The following UVRAG variants were observed in gnomAD, a reference collection of about 807,000 sequenced individuals.
UVRAG encodes the protein UV radiation resistance associated, also known as UV radiation resistance-associated gene protein.
In UVRAG, 19 loss-of-function variants were observed where a neutral mutation model predicts 78.0. The observed-to-expected ratio is 0.24, with a 90% CI of 0.17 to 0.36. The LOEUF (loss-of-function observed/expected upper bound fraction) is 0.36. UVRAG is among the 10% of genes least tolerant of loss of function. The pLI, the probability that UVRAG is intolerant of heterozygous loss-of-function variation, is 1.00. For missense variants in UVRAG, 740 were observed against 853.8 expected, an observed-to-expected ratio of 0.87 and a Z score of 1.66; for synonymous variants, 323 against 324.6, an observed-to-expected ratio of 1.00 and a Z score of 0.05.
chr11:75,909,496 A>G (rs948730810), intron 5 of UVRAG, among the ~76,000 whole-genome samples: 1 of 151,910 alleles, frequency 6.6e-6, no homozygotes, highest in Admixed American at 6.6e-5. Context: ...AAAAAAAAAG[A>G]TTTGTCAATG....
chr11:76,025,232 G>A (rs1950307754), intron 12 of UVRAG, among the ~76,000 whole-genome samples: 1 of 152,120 alleles, frequency 6.6e-6, no homozygotes, highest in Non-Finnish European at 1.5e-5. Context: ...CAGCTGCAGT[G>A]TTCCTCCACC....
chr11:75,997,701 T>C (rs903923521), intron 8 of UVRAG, among the ~76,000 whole-genome samples: 4 of 152,180 alleles, frequency 2.6e-5, no homozygotes, highest in Non-Finnish European at 5.9e-5. Context: ...TTTTGATGAA[T>C]AAACTAAAGT....
chr11:75,935,034 AAATATT>A (rs1270317359), intron 6 of UVRAG: 2 of 152,198 alleles, frequency 1.3e-5, no homozygotes, highest in African/African-American at 2.4e-5. Context: ...AAGGCAGACA[AAATATT>A]AAATGCTGAC....
chr11:76,011,284 G>T (rs533378378), intron 11 of UVRAG, among the ~76,000 whole-genome samples: 5 of 152,108 alleles, frequency 3.3e-5, no homozygotes, highest in Admixed American at 2.0e-4. Context: ...ATTACCCTTA[G>T]GAATCAGAAA....
intron 8 of UVRAG, among the ~76,000 whole-genome samples, chr11:76,003,257 A>ATTTTTTTTTTTTTTTTTTTTTTTT (rs398045280): frequency 1.9e-5 from 1 of 53,786 alleles, no homozygotes; most frequent in African/African-American, 7.8e-5. Flanking sequence ...GAAAATACTG[A>ATTTTTTTTTTTTTTTTTTTTTTTT]TTTTTTTTTT....
intron 1 of UVRAG, among the ~76,000 whole-genome samples, chr11:75,847,115 G>A (rs112035215): frequency 0.075 from 11,419 of 151,872 alleles, 1,387 homozygotes; most frequent in African/African-American, 0.26. Flanking sequence ...ATGGGCCACC[G>A]TGCCTGGCCT....
chr11:75,833,331 A>G (rs201748577), intron 1 of UVRAG, among the ~76,000 whole-genome samples: 1 of 152,156 alleles, frequency 6.6e-6, no homozygotes, highest in Admixed American at 6.5e-5. Flanking sequence ...AATGGGCATA[A>G]TAATAGCCCA....
chr11:75,955,917 C>G (rs1948787718), intron 6 of UVRAG, among the ~76,000 whole-genome samples: 1 of 152,174 alleles, frequency 6.6e-6, no homozygotes, highest in Admixed American at 6.5e-5. Context: ...ACATTTCCAT[C>G]ACCTCAGATA....
intron 5 of UVRAG, among the ~76,000 whole-genome samples, chr11:75,907,522 A>C (rs1947641362): frequency 1.3e-5 from 2 of 150,588 alleles, no homozygotes; most frequent in African/African-American, 4.9e-5. Flanking sequence ...TCTTTCTATA[A>C]TTTCTCTTTT....
chr11:75,876,898 G>C (rs1179417375), intron 3 of UVRAG, among the ~76,000 whole-genome samples: 68 of 150,948 alleles, frequency 4.5e-4, no homozygotes, highest in Non-Finnish European at 8.5e-4. Flanking sequence ...TCTCACAGAG[G>C]GGGATTTGGC....
chr11:75,997,984 T>G (rs535840097), intron 8 of UVRAG, among the ~76,000 whole-genome samples: 1 of 152,340 alleles, frequency 6.6e-6, no homozygotes, highest in East Asian at 1.9e-4. Context: ...GGTAGAAAGT[T>G]GCAGTAGAAC....
chr11:76,124,909 A>G (rs1053343712), intron 14 of UVRAG, among the ~76,000 whole-genome samples: 2 of 152,350 alleles, frequency 1.3e-5, no homozygotes, highest in East Asian at 1.9e-4. Context: ...AAGTGAGCCA[A>G]TCTACTTTCC....
At chr11:76,118,822 G>C (rs983262317) in intron 14 of UVRAG, among the ~76,000 whole-genome samples, 2 of 152,154 alleles carry the variant, frequency 1.3e-5, no homozygotes, top group African/African-American at 4.8e-5. Context: ...CAAACATGAT[G>C]AGGTTATAAG....
chr11:76,010,015 G>T (rs189563003), intron 11 of UVRAG, among the ~76,000 whole-genome samples: 2 of 152,244 alleles, frequency 1.3e-5, no homozygotes, highest in African/African-American at 2.4e-5. Flanking sequence ...CTTGCTTGAG[G>T]CCACAAAACT....
Position 76,004,116 on chromosome 11 carries a change from G to GT in UVRAG, c.911+28dup, listed in dbSNP as rs764543026. 3.7e-6 allele frequency: 6 copies of GT among 1,603,888 alleles called. No homozygotes were observed. The South Asian group carries it at 6.6e-5, about 18-fold the overall frequency. ...TAAATGCACACTGAGAAGAATTGCT[G>GT]TGAGTGTGGAGTTTACTGCGAGGAT... On this transcript the variant is annotated intron_variant, in intron 9 of 14. Coordinates refer to ENST00000356136, the MANE Select transcript of UVRAG (RefSeq NM_003369.4).
At position 76,140,750 on chromosome 11, in the gene UVRAG, G is replaced by A. The variant is rs1451508830; in HGVS notation, c.1437G>A (p.Lys479=). The A allele has an allele frequency of 2.5e-6, 4 of 1,608,128 alleles. No homozygotes were observed. The South Asian group carries it at 3.3e-5, about 13-fold the overall frequency. ...CCTCCAGTGCAATCCCTGTTCCTAAGAGACAAAGCTCCATATTTGGGGGTG... is the reference window on the plus strand; with the variant it reads ...CCTCCAGTGCAATCCCTGTTCCTAAAAGACAAAGCTCCATATTTGGGGGTG... The part of the protein sequence containing the change: ...HHTSSAIPVP[K]RQSSIFGGAD... The change falls in exon 15 of 15, where the codon AAG becomes AAA. Residue 479 remains lysine (K), a synonymous_variant. Coordinates refer to ENST00000356136, the MANE Select transcript of UVRAG (RefSeq NM_003369.4).
In UVRAG at chr11:75,828,799, ATATATATTT is replaced by A. The variant is rs1207798689; in HGVS notation, c.117+13277_117+13285del. Among the ~76,000 whole-genome samples, 51 of 80,076 alleles carry A rather than the reference ATATATATTT, an allele frequency of 6.4e-4. 1 individual carries two copies. The highest frequency in any genetic ancestry group is 6.0e-3 in the Admixed American group (49 of 8,226). The allele number at this position is 80,076 out of a possible 152,430, so 52.5% of individuals were successfully genotyped here. On this transcript the variant is annotated intron_variant, in intron 1 of 14. Transcript: ENST00000356136. ...TACACACATATATATATATATATAT[ATATATATTT>A]TTTTTTTTTTGTAGAGACAGGGTTT... is the stretch of plus-strand genomic sequence containing the variant.
chr11:76,018,128 A>T (rs1477804483), intron 12 of UVRAG, among the ~76,000 whole-genome samples: 1 of 152,154 alleles, frequency 6.6e-6, no homozygotes, highest in African/African-American at 2.4e-5. Context: ...GTGCTCAGAG[A>T]TCTTAGCATT....
chr11:76,062,816 A>C (rs1951119201), intron 12 of UVRAG, among the ~76,000 whole-genome samples: 1 of 152,232 alleles, frequency 6.6e-6, no homozygotes, highest in Admixed American at 6.5e-5. Context: ...TAGTTAAATG[A>C]GATTGTTATA....
Sources: allele counts gnomAD v4.1 joint callset (sites outside exome capture counted in the v4.1 genomes callset), GRCh38; gene constraint gnomAD v4.1.1; transcripts MANE v1.5; gene names NCBI Gene and HGNC (gene_info 2026-07-23, HGNC 2026-07-21).